Variants in ERC1 observed in about 807,000 individuals in gnomAD.
The protein encoded by ERC1 is ELKS/RAB6-interacting/CAST family member 1, also known as RAB6 interacting protein 2.
Under a neutral mutation model 132.0 loss-of-function variants are expected in ERC1, and 56 were observed. The observed-to-expected ratio is 0.42, with a 90% CI of 0.34 to 0.53. The LOEUF is 0.53. Among genes scored for constraint, ERC1 ranks in the 20% least tolerant of loss-of-function variants. ERC1 has a pLI of 0.03. For synonymous variants in ERC1, 478 were observed against 476.1 expected, an observed-to-expected ratio of 1.00 and a Z score of -0.05; for missense variants, 1,202 against 1,349.9, an observed-to-expected ratio of 0.89 and a Z score of 1.72.
At chr12:1,372,126 T>C in intron 16 of ERC1, 149 bp downstream of exon 16, 1 of 1,008,676 alleles carries the variant, frequency 9.9e-7, no homozygotes, top group South Asian at 1.9e-5. Context: ...TTAGAGACTT[T>C]TTATCTCCGC....
At chr12:996,629 G>A (rs1404368014) in intron 1 of ERC1, among the ~76,000 whole-genome samples, 1 of 151,938 alleles carries the variant, frequency 6.6e-6, no homozygotes, top group Non-Finnish European at 1.5e-5. Flanking sequence ...GAACAAAATA[G>A]GCAACCTGGG....
intron 16 of ERC1, among the ~76,000 whole-genome samples, chr12:1,394,598 C>T (rs900218235): frequency 1.3e-5 from 2 of 152,046 alleles, no homozygotes; most frequent in African/African-American, 4.8e-5. Context: ...CCCTGTTGTT[C>T]TCATGATAGT....
chr12:1,213,511 C>T (rs1236885013), intron 12 of ERC1, among the ~76,000 whole-genome samples: 9 of 151,798 alleles, frequency 5.9e-5, no homozygotes, highest in Admixed American at 4.6e-4. Context: ...TCGAGGTGGG[C>T]GGATCACTCA....
At chr12:1,428,325 C>G (rs1250800562) in intron 17 of ERC1, among the ~76,000 whole-genome samples, 3 of 152,272 alleles carry the variant, frequency 2.0e-5, no homozygotes, top group East Asian at 1.9e-4. Context: ...GAGTTTTACC[C>G]TAAAGAAAAG....
intron 15 of ERC1, among the ~76,000 whole-genome samples, chr12:1,369,739 T>C (rs967399027): frequency 6.6e-6 from 1 of 152,226 alleles, no homozygotes; most frequent in African/African-American, 2.4e-5. Context: ...ATCCCTTTAG[T>C]GTTGACTGGA....
chr12:1,380,451 T>A (rs2088514605), intron 16 of ERC1: 1 of 152,260 alleles, frequency 6.6e-6, no homozygotes, highest in South Asian at 2.1e-4. Context: ...AATCAACAAG[T>A]CTGATGGAAT....
chr12:1,289,083 G>GTA (rs1393298071), intron 14 of ERC1, among the ~76,000 whole-genome samples: 19 of 79,676 alleles, frequency 2.4e-4, no homozygotes, highest in African/African-American at 1.1e-3. Context: ...TATCTGGTAT[G>GTA]TACACACACA....
At chr12:1,412,196 C>G (rs1425147670) in intron 17 of ERC1, among the ~76,000 whole-genome samples, 1 of 152,206 alleles carries the variant, frequency 6.6e-6, no homozygotes, top group African/African-American at 2.4e-5. Context: ...GACTGGCTAT[C>G]CACTTTCCTT....
At chr12:1,226,413 CTTG>C (rs1005112691) in intron 12 of ERC1, among the ~76,000 whole-genome samples, 3 of 152,192 alleles carry the variant, frequency 2.0e-5, no homozygotes, top group African/African-American at 4.8e-5. Context: ...ATAGTTACCA[CTTG>C]TTGTGTGTGT....
rs949180481 is a variant in ERC1, at chr12:1,270,686, T to C, written c.2619+7521T>C. Among the ~76,000 whole-genome samples, 6 of 151,766 alleles carry C rather than the reference T, an allele frequency of 4.0e-5. No individual in the cohort carries two copies. The East Asian group carries it at 1.2e-3, about 29-fold the overall frequency. ...ATTTAATATATCTATTGGTTTTGAT[T>C]GATACTATATAACTAGTGATTCTAA... On this transcript the variant is annotated intron_variant, in intron 14 of 18. Coordinates refer to ENST00000360905, the MANE Select transcript of ERC1 (RefSeq NM_178040.4).
In ERC1 at chr12:1,317,821, C is replaced by A. The variant is rs542448621; in HGVS notation, c.2780+27809C>A. On this transcript the variant is annotated intron_variant, in intron 15 of 18. Transcript: ENST00000360905. ...CAGCTTCAAAGCAGCAAAACACTCT[C>A]TATATACTTTCTTTATTCTTTAAGA... Among the ~76,000 whole-genome samples the A allele has an allele frequency of 5.9e-5, 9 of 152,326 alleles. No individual in the cohort carries two copies. In the South Asian group the frequency reaches 6.2e-4, roughly 11 times the overall value.
chr12:1,167,652 T>C (rs1218712519), intron 8 of ERC1, among the ~76,000 whole-genome samples: 1 of 152,050 alleles, frequency 6.6e-6, no homozygotes, highest in Non-Finnish European at 1.5e-5. Context: ...ATTAGAAAAA[T>C]CATGTAATTT....
At position 1,189,939 on chromosome 12, in the gene ERC1, G is replaced by C; in HGVS notation, c.2238G>C (p.Arg746Ser). Residue 746 changes from arginine to serine, a missense_variant, in exon 12 of 19, where the codon AGG (arginine) becomes AGC (serine). Arg to Ser is a moderately radical substitution (Grantham distance 110, BLOSUM62 -1). Transcript: ENST00000360905. ...AGCACTTGGAGAGAGAGATCACCAG[G>C]TACAAAGATGAATCTAGCAAGGCCC... ...RIQHLEREIT[R>S]YKDESSKAQA... The C allele has an allele frequency of 6.2e-7, 1 of 1,614,056 alleles. No homozygotes were observed. Among genetic ancestry groups the C allele is most frequent in the South Asian group, 1.1e-5 (1 of 91,074 alleles).
rs565956840 is a variant in ERC1, at chr12:1,091,702, C to T, written c.1086+8122C>T. 9.7e-4 allele frequency among the ~76,000 whole-genome samples: 147 copies of T among 152,272 alleles called. 1 individual carries two copies. Among genetic ancestry groups the T allele is most frequent in the African/African-American group, 3.4e-3 (140 of 41,538 alleles). ...CAAAATGGGAGAGAAAACCATTCCA[C>T]CGTTGAATCAAGGGAGTGACACAAT... is the stretch of plus-strand genomic sequence containing the variant. On this transcript the variant is annotated intron_variant, in intron 3 of 18. Coordinates refer to ENST00000360905, the MANE Select transcript of ERC1 (RefSeq NM_178040.4).
intron 12 of ERC1, among the ~76,000 whole-genome samples, chr12:1,217,826 C>A (rs1958567323): frequency 6.6e-6 from 1 of 152,172 alleles, no homozygotes; most frequent in Non-Finnish European, 1.5e-5. Flanking sequence ...GACTTACTTG[C>A]TTTTCTCTTT....
At chr12:991,790 G>A (rs1959425313) in intron 1 of ERC1, 1 of 152,282 alleles carries the variant, frequency 6.6e-6, no homozygotes, top group East Asian at 1.9e-4. Flanking sequence ...TGGATCTTTG[G>A]GTTAGGTGAG....
intron 15 of ERC1, among the ~76,000 whole-genome samples, chr12:1,317,176 A>G (rs1379220666): frequency 6.6e-6 from 1 of 151,958 alleles, no homozygotes; most frequent in South Asian, 2.1e-4. Context: ...ACGAAAAAAA[A>G]AAAAAAAGAA....
intron 2 of ERC1, among the ~76,000 whole-genome samples, chr12:1,052,848 C>G (rs58010059): frequency 1.3e-5 from 2 of 151,906 alleles, no homozygotes; most frequent in Non-Finnish European, 2.9e-5. Context: ...CAGGCGCCTG[C>G]AATCCCAGCT....
chr12:1,147,566 A>G (rs1351768932), intron 8 of ERC1, among the ~76,000 whole-genome samples: 1 of 152,262 alleles, frequency 6.6e-6, no homozygotes, highest in Non-Finnish European at 1.5e-5. Context: ...AAATATGACC[A>G]GACAACTTTT....
Sources: gnomAD v4.1 joint callset for allele counts (sites outside exome capture counted in the v4.1 genomes callset) on GRCh38, gnomAD v4.1.1 for gene constraint, MANE v1.5 for transcripts, NCBI Gene and HGNC (gene_info 2026-07-23, HGNC 2026-07-21) for gene names.